AMPH: variants seen among roughly 807,000 people sequenced by gnomAD.
The protein encoded by AMPH is amphiphysin, also known as amphiphysin (Stiff-Mann syndrome with breast cancer 128kD autoantigen).
AMPH carries 49 observed loss-of-function variants against 99.1 expected under a neutral mutation model. The ratio of observed to expected loss-of-function variants is 0.49; its 90% CI spans 0.39 to 0.63. AMPH has a LOEUF of 0.63. Ranked by LOEUF, AMPH falls within the 20% of genes least tolerant of loss-of-function variation. The pLI is 0.00. For missense variants in AMPH, 759 were observed against 863.4 expected, an observed-to-expected ratio of 0.88 and a Z score of 1.52; for synonymous variants, 314 against 317.3, an observed-to-expected ratio of 0.99 and a Z score of 0.11.
In AMPH at chr7:38,610,373, G is replaced by GA. The variant is rs1451844437; in HGVS notation, c.69+20909dup. ...GAAAAGAAAAGAAAAGAAAAGAAAAGAAAGGAAAGGAAAAGAAAAGAAAAG... is the reference window on the plus strand; with the variant it reads ...GAAAAGAAAAGAAAAGAAAAGAAAAGAAAAGGAAAGGAAAAGAAAAGAAAAG... On this transcript the variant is annotated intron_variant, in intron 1 of 20. Coordinates refer to ENST00000356264, the MANE Select transcript of AMPH (RefSeq NM_001635.4). Among the ~76,000 whole-genome samples, 18 of 44,258 alleles carry GA rather than the reference G, an allele frequency of 4.1e-4. 2 individuals carry two copies. The highest frequency in any genetic ancestry group is 2.9e-3 in the East Asian group (11 of 3,764). The allele number at this position is 44,258 out of a possible 152,430, so 29.0% of individuals were successfully genotyped here.
At chr7:38,495,742 G>A (rs1361424793) in intron 3 of AMPH, among the ~76,000 whole-genome samples, 1 of 152,050 alleles carries the variant, frequency 6.6e-6, no homozygotes, top group Non-Finnish European at 1.5e-5. Context: ...CTAAGCCTTT[G>A]GGTCTGAATT....
intron 1 of AMPH, among the ~76,000 whole-genome samples, chr7:38,609,657 T>G (rs1562859401): frequency 2.0e-5 from 3 of 152,298 alleles, no homozygotes; most frequent in South Asian, 4.1e-4. Context: ...GATCTCAACT[T>G]GTAAAATTTA....
At chr7:38,514,625 T>TGGGAGTG (rs1267477689) in intron 2 of AMPH, among the ~76,000 whole-genome samples, 2 of 152,326 alleles carry the variant, frequency 1.3e-5, no homozygotes, top group East Asian at 3.9e-4. Context: ...CTAGTTATCA[T>TGGGAGTG]GGGAGTGGGC....
At chr7:38,414,929 G>C (rs1278816785) in intron 17 of AMPH, among the ~76,000 whole-genome samples, 1 of 152,142 alleles carries the variant, frequency 6.6e-6, no homozygotes, top group Non-Finnish European at 1.5e-5. Flanking sequence ...CTCCCAAAGT[G>C]CTGGGATTAC....
chr7:38,555,215 G>C (rs548342215), intron 1 of AMPH, among the ~76,000 whole-genome samples: 1 of 150,870 alleles, frequency 6.6e-6, no homozygotes, highest in African/African-American at 2.4e-5. Flanking sequence ...GACCAGCCTG[G>C]GTAGCATAGT....
At chr7:38,564,846 C>T (rs572947131) in intron 1 of AMPH, among the ~76,000 whole-genome samples, 28 of 152,200 alleles carry the variant, frequency 1.8e-4, no homozygotes, top group Non-Finnish European at 2.4e-4. Context: ...AAGAACCGGC[C>T]GGGCGCAGTG....
chr7:38,516,208 T>C (rs999382825), intron 2 of AMPH, among the ~76,000 whole-genome samples: 2 of 152,224 alleles, frequency 1.3e-5, no homozygotes, highest in African/African-American at 4.8e-5. Context: ...GGAAAATGCC[T>C]TGAAGGCATT....
chr7:38,554,308 G>GT (rs1380246816), intron 1 of AMPH, among the ~76,000 whole-genome samples: 3 of 152,166 alleles, frequency 2.0e-5, no homozygotes, highest in Non-Finnish European at 4.4e-5. Flanking sequence ...TCTGCTCCAT[G>GT]TGTATGTCTC....
chr7:38,589,040 AACTC>A (rs1792763781), intron 1 of AMPH, among the ~76,000 whole-genome samples: 1 of 152,322 alleles, frequency 6.6e-6, no homozygotes, highest in African/African-American at 2.4e-5. Flanking sequence ...ATATAATTAA[AACTC>A]ACAAAAGTAG....
intron 2 of AMPH, among the ~76,000 whole-genome samples, chr7:38,533,153 T>C (rs1170534600): frequency 6.6e-6 from 1 of 152,080 alleles, no homozygotes; most frequent in Non-Finnish European, 1.5e-5. Flanking sequence ...GTGTGAAAAA[T>C]CACCAAATGA....
At chr7:38,455,567 C>T (rs1787201311) in intron 11 of AMPH, among the ~76,000 whole-genome samples, 1 of 152,198 alleles carries the variant, frequency 6.6e-6, no homozygotes, top group African/African-American at 2.4e-5. Flanking sequence ...CAAGGCTTTC[C>T]TCAGCTGGGA....
At chr7:38,471,836 G>A (rs1239650683) in intron 7 of AMPH, among the ~76,000 whole-genome samples, 1 of 152,112 alleles carries the variant, frequency 6.6e-6, no homozygotes, top group Non-Finnish European at 1.5e-5. Flanking sequence ...AGCTTGAATG[G>A]CTATAGTAAT....
At chr7:38,584,742 C>A (rs1055760977) in intron 1 of AMPH, among the ~76,000 whole-genome samples, 2 of 152,208 alleles carry the variant, frequency 1.3e-5, no homozygotes, top group African/African-American at 2.4e-5. Flanking sequence ...AATTTTCCCT[C>A]TGCACTCTCC....
chr7:38,545,943 T>G (rs995131891), intron 1 of AMPH, among the ~76,000 whole-genome samples: 1 of 152,168 alleles, frequency 6.6e-6, no homozygotes, highest in African/African-American at 2.4e-5. Context: ...ATTGCAGGTT[T>G]GAATGGAAGT....
chr7:38,611,632 C>G (rs1793682633), intron 1 of AMPH, among the ~76,000 whole-genome samples: 1 of 152,208 alleles, frequency 6.6e-6, no homozygotes, highest in Non-Finnish European at 1.5e-5. Flanking sequence ...TAGGAAATAC[C>G]ACTTTGGCTT....
chr7:38,571,264 T>C lies in AMPH; in HGVS notation c.70-36253A>G, dbSNP rs867082753. ...TAATTATAAATATATATTAAATATA[T>C]ATTTATATATATATTTTTATATATA... On this transcript the variant is annotated intron_variant, in intron 1 of 20. Transcript: ENST00000356264. Among the ~76,000 whole-genome samples the C allele has an allele frequency of 6.3e-3, 288 of 45,520 alleles. 8 individuals carry two copies. The highest frequency in any genetic ancestry group is 0.056 in the South Asian group (95 of 1,696). 29.9% of individuals were successfully genotyped at this position (45,520 alleles called of 152,430 possible).
chr7:38,430,555 C>A (rs1355680575), intron 13 of AMPH, among the ~76,000 whole-genome samples: 1 of 152,226 alleles, frequency 6.6e-6, no homozygotes, highest in Non-Finnish European at 1.5e-5. Context: ...TACCTTCACC[C>A]TCTCCATACC....
rs143100380 is a variant in AMPH at position 38,537,064 on chromosome 7, C to T, written c.70-2053G>A. Among the ~76,000 whole-genome samples, 1,217 of 152,060 alleles carry T rather than the reference C, an allele frequency of 8.0e-3. 16 individuals carry two copies. Among genetic ancestry groups the T allele is most frequent in the Non-Finnish European group, 0.012 (821 of 67,974 alleles). On this transcript the variant is annotated intron_variant, in intron 1 of 20. Coordinates refer to ENST00000356264, the MANE Select transcript of AMPH (RefSeq NM_001635.4). ...ACAAGAAAATTCATTAACATAAATACGCAAGAGTTTAACATACTATAAAGT... is the reference window on the plus strand; with the variant it reads ...ACAAGAAAATTCATTAACATAAATATGCAAGAGTTTAACATACTATAAAGT...
intron 1 of AMPH, among the ~76,000 whole-genome samples, chr7:38,619,135 T>C (rs779779783): frequency 2.0e-5 from 3 of 152,136 alleles, no homozygotes; most frequent in Admixed American, 6.5e-5. Flanking sequence ...GAGGCTGCAG[T>C]GAGTTATGAT....
Sources: gnomAD v4.1 joint callset for allele counts (sites outside exome capture counted in the v4.1 genomes callset) on GRCh38, gnomAD v4.1.1 for gene constraint, MANE v1.5 for transcripts, NCBI Gene and HGNC (gene_info 2026-07-23, HGNC 2026-07-21) for gene names.